The following RBFOX1 variants were observed in gnomAD, a reference collection of about 807,000 sequenced individuals.
RBFOX1 encodes RNA binding protein fox-1 homolog 1.
RBFOX1 carries 8 observed loss-of-function variants against 57.7 expected under a neutral mutation model. The ratio of observed to expected loss-of-function variants is 0.14; its 90% CI spans 0.08 to 0.25. The LOEUF is 0.25. Among genes scored for constraint, RBFOX1 ranks in the 10% least tolerant of loss-of-function variants. RBFOX1 has a pLI of 1.00. For synonymous variants in RBFOX1, 326 were observed against 222.4 expected (o/e 1.47, Z -4.15); for missense variants, 611 against 548.5 (o/e 1.11, Z -1.14).
At chr16:7,359,675 T>C (rs891300381) in intron 4 of RBFOX1, among the ~76,000 whole-genome samples, 2 of 152,128 alleles carry the variant, frequency 1.3e-5, no homozygotes, top group Non-Finnish European at 2.9e-5. Flanking sequence ...CAAGGATGTT[T>C]TGTTGAATCT....
At chr16:5,703,448 A>T (rs1163962290) in intron 3 of RBFOX1, among the ~76,000 whole-genome samples, 1 of 152,222 alleles carries the variant, frequency 6.6e-6, no homozygotes, top group African/African-American at 2.4e-5. Context: ...CCCAGAGGGC[A>T]AGCTGGGAGT....
At chr16:7,448,018 C>G (rs1282345434) in intron 4 of RBFOX1, among the ~76,000 whole-genome samples, 2 of 152,182 alleles carry the variant, frequency 1.3e-5, no homozygotes, top group Admixed American at 6.5e-5. Context: ...AACACCCACC[C>G]TCCTTTCTTC....
At chr16:6,886,876 G>A (rs1033269785) in intron 3 of RBFOX1, among the ~76,000 whole-genome samples, 8 of 152,078 alleles carry the variant, frequency 5.3e-5, no homozygotes, top group Non-Finnish European at 8.8e-5. Flanking sequence ...AGATGCTTCC[G>A]AAATTTTGTT....
chr16:6,012,621 C>T (rs1397959428), intron 4 of RBFOX1, among the ~76,000 whole-genome samples: 1 of 152,080 alleles, frequency 6.6e-6, no homozygotes, highest in Non-Finnish European at 1.5e-5. Flanking sequence ...CTTCAACAAG[C>T]TAATGCAAAA....
At chr16:6,882,892 C>A (rs910431557) in intron 3 of RBFOX1, among the ~76,000 whole-genome samples, 4 of 152,148 alleles carry the variant, frequency 2.6e-5, no homozygotes, top group African/African-American at 9.7e-5. Context: ...TTCCTATTTT[C>A]CATTATACTT....
At chr16:6,844,434 A>G (rs974624973) in intron 3 of RBFOX1, among the ~76,000 whole-genome samples, 3 of 152,202 alleles carry the variant, frequency 2.0e-5, no homozygotes, top group African/African-American at 7.2e-5. Flanking sequence ...CTTATAAGTA[A>G]GAACATGTGG....
intron 4 of RBFOX1, among the ~76,000 whole-genome samples, chr16:5,910,231 A>G (rs1178044611): frequency 6.6e-6 from 1 of 152,102 alleles, no homozygotes. Context: ...TAAAGTGGGT[A>G]GAGACCTCTA....
chr16:7,253,250 C>G (rs1244809354), intron 4 of RBFOX1, among the ~76,000 whole-genome samples: 1 of 152,184 alleles, frequency 6.6e-6, no homozygotes, highest in African/African-American at 2.4e-5. Flanking sequence ...AGGTATTCTC[C>G]TGGGGGTCAA....
In RBFOX1 at chr16:6,431,896, G is replaced by GTTTTCTTT. The variant is rs1555469937; in HGVS notation, c.-64+114839_-64+114840insTTTTCTTT. 3.0e-3 allele frequency among the ~76,000 whole-genome samples: 388 copies of GTTTTCTTT among 128,192 alleles called. 4 individuals carry two copies. Among genetic ancestry groups the GTTTTCTTT allele is most frequent in the African/African-American group, 0.012 (372 of 32,184 alleles). 84.1% of individuals were successfully genotyped at this position (128,192 alleles called of 152,430 possible). A position where few individuals can be genotyped will look rare whatever the true frequency, so the allele number is the denominator to read the frequency against. On this transcript the variant is annotated intron_variant, in intron 2 of 15. Coordinates refer to ENST00000550418, the MANE Select transcript of RBFOX1 (RefSeq NM_018723.4). ...TGTCCAGAAATATGCTTGCTTGCTT[G>GTTTTCTTT]CTTTCTTTCTTTCTTTCTTTCTTTC...
intron 1 of RBFOX1, among the ~76,000 whole-genome samples, chr16:5,388,940 C>T (rs1017216190): frequency 6.6e-6 from 1 of 151,140 alleles, no homozygotes; most frequent in Admixed American, 6.6e-5. Context: ...ACCTGTAATC[C>T]CAGCACTTTG....
chr16:6,837,868 A>G (rs1399455719), intron 3 of RBFOX1, among the ~76,000 whole-genome samples: 3 of 152,146 alleles, frequency 2.0e-5, no homozygotes, highest in Non-Finnish European at 4.4e-5. Context: ...GAAACTGAGA[A>G]GAGGCACTGA....
intron 3 of RBFOX1, among the ~76,000 whole-genome samples, chr16:6,894,566 A>G (rs912166351): frequency 2.0e-5 from 3 of 152,164 alleles, no homozygotes; most frequent in African/African-American, 4.8e-5. Context: ...AACAAGAAGT[A>G]TTTCTGAAAA....
intron 3 of RBFOX1, among the ~76,000 whole-genome samples, chr16:6,812,446 T>A (rs1401522584): frequency 6.6e-6 from 1 of 152,148 alleles, no homozygotes; most frequent in Non-Finnish European, 1.5e-5. Context: ...CGATCTCGGC[T>A]CATTGCAACC....
intron 1 of RBFOX1, among the ~76,000 whole-genome samples, chr16:6,262,071 T>G (rs2152637364): frequency 6.6e-6 from 1 of 152,050 alleles, no homozygotes; most frequent in East Asian, 1.9e-4. Context: ...TATTTTCTTT[T>G]TAAATAAGGT....
chr16:7,710,194 G>C (rs1158326417), intron 15 of RBFOX1: 1 of 1,029,028 alleles, frequency 9.7e-7, no homozygotes, highest in African/African-American at 1.7e-5. Context: ...GTAAGAAGTA[G>C]GTTGAGATTT....
At chr16:6,782,228 G>A (rs1223159849) in intron 3 of RBFOX1, among the ~76,000 whole-genome samples, 1 of 152,074 alleles carries the variant, frequency 6.6e-6, no homozygotes, top group Non-Finnish European at 1.5e-5. Context: ...GGTGATCTCT[G>A]TCTCTTGACC....
At chr16:7,519,018 G>A (rs1424862045) in intron 5 of RBFOX1, among the ~76,000 whole-genome samples, 1 of 152,120 alleles carries the variant, frequency 6.6e-6, no homozygotes, top group East Asian at 1.9e-4. Flanking sequence ...GTGAAACTCT[G>A]TCTCTAAATA....
chr16:5,602,684 T>C (rs1306142852), downstream of RBFOX1, among the ~76,000 whole-genome samples: 1 of 152,206 alleles, frequency 6.6e-6, no homozygotes, highest in Non-Finnish European at 1.5e-5. Flanking sequence ...TTAGACCCTT[T>C]TATTTTTTTT....
At chr16:7,069,052 T>C (rs1039773554) in intron 4 of RBFOX1, among the ~76,000 whole-genome samples, 1 of 152,226 alleles carries the variant, frequency 6.6e-6, no homozygotes, top group Non-Finnish European at 1.5e-5. Flanking sequence ...AATGGATGTT[T>C]CTAAAGACTC....
Sources: allele counts gnomAD v4.1 joint callset (sites outside exome capture counted in the v4.1 genomes callset), GRCh38; gene constraint gnomAD v4.1.1; transcripts MANE v1.5; gene names NCBI Gene and HGNC (gene_info 2026-07-23, HGNC 2026-07-21).